FMN2: variants seen among roughly 807,000 people sequenced by gnomAD.
FMN2 encodes the protein formin 2, also known as formin-2.
In FMN2, 51 loss-of-function variants were observed where a neutral mutation model predicts 142.3. The ratio of observed to expected loss-of-function variants is 0.36; its 90% CI spans 0.29 to 0.45. The LOEUF (loss-of-function observed/expected upper bound fraction) is 0.45, where lower values mean the gene tolerates loss of function less well. Ranked by LOEUF, FMN2 falls within the 20% of genes least tolerant of loss-of-function variation. The probability of loss-of-function intolerance (pLI) is 1.00; values close to 1 mark genes in which losing one functional copy is unlikely to be tolerated. For synonymous variants in FMN2, 882 were observed against 869.8 expected (o/e 1.01, Z -0.25); for missense variants, 1,936 against 2,122.8 (o/e 0.91, Z 1.73).
At chr1:240,154,471 T>C (rs1663928858) in intron 2 of FMN2, among the ~76,000 whole-genome samples, 1 of 152,162 alleles carries the variant, frequency 6.6e-6, no homozygotes, top group Non-Finnish European at 1.5e-5. Context: ...TGAAAGATCC[T>C]GACACATTGA....
At chr1:240,450,937 G>A (rs1486798196) in intron 16 of FMN2, among the ~76,000 whole-genome samples, 1 of 152,228 alleles carries the variant, frequency 6.6e-6, no homozygotes, top group Non-Finnish European at 1.5e-5. Flanking sequence ...ACCTGGCAAA[G>A]ATGAAATGAA....
chr1:240,202,093 T>C (rs765003386), intron 4 of FMN2, among the ~76,000 whole-genome samples: 54 of 152,304 alleles, frequency 3.5e-4, no homozygotes, highest in Admixed American at 1.3e-3. Flanking sequence ...TCTAAATCTT[T>C]GTGTGGTTGC....
chr1:240,247,907 A>T (rs1668132991), intron 6 of FMN2, among the ~76,000 whole-genome samples: 1 of 152,148 alleles, frequency 6.6e-6, no homozygotes, highest in Admixed American at 6.5e-5. Context: ...TGAAGTCTGG[A>T]TATTTAGTAT....
intron 1 of FMN2, among the ~76,000 whole-genome samples, chr1:240,114,632 G>C (rs1661948290): frequency 1.3e-5 from 2 of 151,380 alleles, no homozygotes; most frequent in Non-Finnish European, 2.9e-5. Flanking sequence ...ATTGCAAAAT[G>C]GTGATTTTCT....
Position 240,091,910 on chromosome 1 carries a change from A to C in FMN2, c.-200A>C. On this transcript the variant is annotated 5_prime_UTR_variant, in exon 1 of 18. Transcript: ENST00000319653. ...AGCCGCAGCCGCAGCGACGGCAGCC[A>C]CGGGAGCCGCCGCGCATTATGCAAA... The C allele has an allele frequency of 1.1e-6, 1 of 905,092 alleles. No homozygotes were observed. Among genetic ancestry groups the C allele is most frequent in the Non-Finnish European group, 1.5e-6 (1 of 656,740 alleles). The allele number at this position is 905,092 out of a possible 1,614,324, so 56.1% of individuals were successfully genotyped here.
intron 7 of FMN2, among the ~76,000 whole-genome samples, chr1:240,269,877 G>A (rs182905900): frequency 2.2e-4 from 33 of 151,802 alleles, no homozygotes; most frequent in Admixed American, 1.8e-3. Context: ...TTTATAGGTC[G>A]ACTTTTGTAT....
chr1:240,397,576 G>T (rs1241355697), intron 15 of FMN2, among the ~76,000 whole-genome samples: 1 of 152,012 alleles, frequency 6.6e-6, no homozygotes, highest in Non-Finnish European at 1.5e-5. Flanking sequence ...AGGAGTTTGA[G>T]ACCAGCCTGG....
chr1:240,170,427 T>C, intron 2 of FMN2: 1 of 1,275,514 alleles, frequency 7.8e-7, no homozygotes, highest in Non-Finnish European at 1.1e-6. Flanking sequence ...TGAAGGCGGG[T>C]GATAACTGTC....
chr1:240,124,769 G>A (rs1365550651), intron 2 of FMN2, among the ~76,000 whole-genome samples: 1 of 152,106 alleles, frequency 6.6e-6, no homozygotes, highest in Non-Finnish European at 1.5e-5. Context: ...CCGAGTTCAA[G>A]CGATTCTCCT....
intron 6 of FMN2, among the ~76,000 whole-genome samples, chr1:240,246,559 C>T (rs559233723): frequency 2.4e-4 from 37 of 152,248 alleles, no homozygotes; most frequent in African/African-American, 8.4e-4. Flanking sequence ...AGTAGGAGAA[C>T]CTCACAATCT....
In FMN2 at chr1:240,449,003, G is replaced by A. The variant is rs187856300; in HGVS notation, c.5060+10793G>A. Reference sequence around the variant, plus strand: ...CAAAAAATACAAAATTTAGTTGGGCGTGGTGGCGCCTTCCTGAATTCCCAG... The same window carrying A: ...CAAAAAATACAAAATTTAGTTGGGCATGGTGGCGCCTTCCTGAATTCCCAG... On this transcript the variant is annotated intron_variant, in intron 16 of 17. Transcript: ENST00000319653. Among the ~76,000 whole-genome samples the A allele has an allele frequency of 1.7e-4, 26 of 151,972 alleles. No individual in the cohort carries two copies. In the South Asian group the frequency reaches 3.1e-3, roughly 18 times the overall value.
chr1:240,469,669 G>A (rs576261959), intron 16 of FMN2, among the ~76,000 whole-genome samples: 23 of 152,220 alleles, frequency 1.5e-4, no homozygotes, highest in Middle Eastern at 3.4e-3. Flanking sequence ...AACAAGGCTC[G>A]GCAGTCGCTT....
intron 4 of FMN2, among the ~76,000 whole-genome samples, chr1:240,191,566 G>T (rs1233502888): frequency 6.6e-6 from 1 of 152,160 alleles, no homozygotes; most frequent in Non-Finnish European, 1.5e-5. Flanking sequence ...AAATGCGACT[G>T]TCTTTTGATT....
chr1:240,268,712 C>T (rs1668895223), intron 7 of FMN2, among the ~76,000 whole-genome samples: 2 of 151,788 alleles, frequency 1.3e-5, no homozygotes, highest in Admixed American at 6.6e-5. Context: ...AGTATAAGAA[C>T]ACTTTCATCT....
rs895139592 is a variant in FMN2, at chr1:240,473,568, TA to T, written c.5143-555del. Among the ~76,000 whole-genome samples the T allele has an allele frequency of 1.3e-5, 2 of 152,102 alleles. No homozygotes were observed. Among genetic ancestry groups the T allele is most frequent in the Non-Finnish European group, 2.9e-5 (2 of 68,008 alleles). On this transcript the variant is annotated intron_variant, in intron 17 of 17. Transcript: ENST00000319653. This position sits in a 1 kb window ranked among gnomAD's most constrained non-coding sequence, Gnocchi z 4.3. ...ATGATTAAATAGCCCTGTTTTTTTT[TA>T]AAAAGTTAGGAATTATATCTTCATT... is the stretch of plus-strand genomic sequence containing the variant.
rs893888549 is a variant in FMN2, at chr1:240,423,170, C to CT, written c.4911-14885dup. On this transcript the variant is annotated intron_variant, in intron 15 of 17. Coordinates refer to ENST00000319653, the MANE Select transcript of FMN2 (RefSeq NM_020066.5). ...GAAGACATGGAGGATCCCTCAAAGG[C>CT]TTTTTTAATAATAAGTGAAAGGGGA... 5.3e-5 allele frequency among the ~76,000 whole-genome samples: 8 copies of CT among 151,992 alleles called. No homozygotes were observed. The South Asian group carries it at 8.3e-4, about 16-fold the overall frequency.
intron 15 of FMN2, among the ~76,000 whole-genome samples, chr1:240,435,167 A>G (rs572748235): frequency 1.4e-5 from 2 of 144,514 alleles, no homozygotes; most frequent in East Asian, 3.9e-4. Context: ...TAAAGTGAAT[A>G]CATATATTAC....
Position 240,208,655 on chromosome 1 carries a change from G to A in FMN2, c.3843G>A (p.Gly1281=), listed in dbSNP as rs772038823. 23 of 1,613,808 alleles carry A rather than the reference G, an allele frequency of 1.4e-5. No homozygotes were observed. The highest frequency in any genetic ancestry group is 1.9e-5 in the Non-Finnish European group (22 of 1,180,036). ...LFGLGMNQDK[G]SRKQPIEPCR... ...GATTAGGGATGAATCAGGACAAAGG[G>A]AGTAGGAAGCAGCCCATAGAGCCTT... The change falls in exon 5 of 18, where the codon GGG becomes GGA. Residue 1281 remains glycine, a synonymous_variant. Transcript: ENST00000319653.
At chr1:240,222,719 G>A (rs1330487560) in intron 6 of FMN2, among the ~76,000 whole-genome samples, 1 of 152,118 alleles carries the variant, frequency 6.6e-6, no homozygotes, top group Non-Finnish European at 1.5e-5. Flanking sequence ...TCCCTTGTAA[G>A]TTTTATTCCT....
Sources: gnomAD v4.1 joint callset for allele counts (sites outside exome capture counted in the v4.1 genomes callset) on GRCh38, gnomAD v4.1.1 for gene constraint, Gnocchi (gnomAD v3.1) non-coding constraint, MANE v1.5 for transcripts, NCBI Gene and HGNC (gene_info 2026-07-23, HGNC 2026-07-21) for gene names.